Variants in SRSF11 observed in about 807,000 individuals in gnomAD.
SRSF11 encodes serine and arginine rich splicing factor 11.
SRSF11 carries 9 observed loss-of-function variants against 56.0 expected under a neutral mutation model. The observed-to-expected ratio is 0.16, with a 90% confidence interval of 0.10 to 0.28. The LOEUF is 0.28. Among genes scored for constraint, SRSF11 ranks in the 10% least tolerant of loss-of-function variants. The pLI, the probability that SRSF11 is intolerant of heterozygous loss-of-function variation, is 1.00. For synonymous variants in SRSF11, 222 were observed against 215.3 expected, an observed-to-expected ratio of 1.03 and a Z score of -0.27; for missense variants, 421 against 600.7, an observed-to-expected ratio of 0.70 and a Z score of 3.13.
chr1:70,221,478 G>A lies in SRSF11; in HGVS notation c.-159G>A. On this transcript the variant is annotated 5_prime_UTR_variant, in exon 1 of 12. Coordinates refer to ENST00000370949, the MANE Select transcript of SRSF11 (RefSeq NM_001350605.2). Reference sequence around the variant, plus strand: ...CTCCCCCGCGGCGTGCGGCGGGGCGGAGAAACGGCGGCGGCGGCGGCGGCA... The same window carrying A: ...CTCCCCCGCGGCGTGCGGCGGGGCGAAGAAACGGCGGCGGCGGCGGCGGCA... 1.8e-6 allele frequency: 2 copies of A among 1,107,816 alleles called. No individual in the cohort carries two copies. Among genetic ancestry groups the A allele is most frequent in the South Asian group, 1.6e-5 (1 of 62,082 alleles). The allele number at this position is 1,107,816 out of a possible 1,614,324, so 68.6% of individuals were successfully genotyped here. A position where few individuals can be genotyped will look rare whatever the true frequency, so the allele number is the denominator to read the frequency against.
At position 70,221,492 on chromosome 1, in the gene SRSF11, G is replaced by T. The variant is rs890978050; in HGVS notation, c.-145G>T. 4.7e-5 allele frequency: 57 copies of T among 1,206,060 alleles called. No homozygotes were observed. The highest frequency in any genetic ancestry group is 5.8e-5 in the Non-Finnish European group (51 of 874,206). 74.7% of individuals were successfully genotyped at this position (1,206,060 alleles called of 1,614,324 possible). ...GCGGCGGGGCGGAGAAACGGCGGCG[G>T]CGGCGGCGGCATCGGCAGCAGTAGC... On this transcript the variant is annotated 5_prime_UTR_variant, in exon 1 of 12. Transcript: ENST00000370949.
intron 1 of SRSF11, among the ~76,000 whole-genome samples, chr1:70,227,562 G>A (rs551246142): frequency 1.0e-3 from 158 of 152,264 alleles, no homozygotes; most frequent in African/African-American, 3.7e-3. Context: ...TAGGGCACTA[G>A]CTTTCCAAAT....
chr1:70,240,866 C>A (rs113065621), intron 7 of SRSF11, among the ~76,000 whole-genome samples: 155 of 151,786 alleles, frequency 1.0e-3, no homozygotes, highest in African/African-American at 3.7e-3. Context: ...ACTTCCGCCT[C>A]CTGAGTTCAA....
At chr1:70,208,433 A>G (rs1310832703) in intron 1 of SRSF11, among the ~76,000 whole-genome samples, 1 of 152,056 alleles carries the variant, frequency 6.6e-6, no homozygotes, top group Non-Finnish European at 1.5e-5. Flanking sequence ...CCCAGCTTCA[A>G]GTGATTTCTC....
chr1:70,218,924 T>A (rs1164241865), upstream of SRSF11: 2 of 152,188 alleles, frequency 1.3e-5, no homozygotes, highest in African/African-American at 4.8e-5. Context: ...ATAATGACAT[T>A]AAAAATAAAA....
At chr1:70,230,344 T>G in intron 2 of SRSF11, 3 of 1,057,256 alleles carry the variant, frequency 2.8e-6, no homozygotes, top group Non-Finnish European at 3.4e-6. Context: ...CCCTCCAGAT[T>G]TAGCTATTAC....
In SRSF11 at chr1:70,239,535, T is replaced by C. The variant is rs749756475; in HGVS notation, c.800+15T>C. On this transcript the variant is annotated intron_variant, in intron 7 of 11. Transcript: ENST00000370949. The stretch of plus-strand genomic sequence containing the variant: ...TCTAGACACAGGTTAGATTGCTTTT[T>C]AGTCAATTATACCTTAGACAAAGAT... The C allele has an allele frequency of 8.4e-6, 13 of 1,545,580 alleles. No homozygotes were observed. In the Admixed American group the frequency reaches 2.6e-4, roughly 30 times the overall value.
chr1:70,225,202 G>A (rs1427565712), intron 1 of SRSF11, among the ~76,000 whole-genome samples: 1 of 152,176 alleles, frequency 6.6e-6, no homozygotes, highest in South Asian at 2.1e-4. Flanking sequence ...AGTAACTTAA[G>A]GCTGCTGTAA....
At chr1:70,210,852 T>G (rs1001591966) in intron 1 of SRSF11, among the ~76,000 whole-genome samples, 5 of 151,914 alleles carry the variant, frequency 3.3e-5, no homozygotes, top group Non-Finnish European at 2.9e-5. Context: ...TACTTGAAGG[T>G]GGAAGAACTA....
At chr1:70,232,037 C>T in intron 2 of SRSF11, 1 of 1,520,450 alleles carries the variant, frequency 6.6e-7, no homozygotes, top group Non-Finnish European at 8.8e-7. Context: ...TTTTTTTACT[C>T]TAGAAACTTA....
Position 70,221,500 on chromosome 1 carries a change from G to A in SRSF11, c.-137G>A. On this transcript the variant is annotated 5_prime_UTR_variant, in exon 1 of 12. Transcript: ENST00000370949. Reference sequence around the variant, plus strand: ...GCGGAGAAACGGCGGCGGCGGCGGCGGCATCGGCAGCAGTAGCAGAGGCTG... The same window carrying A: ...GCGGAGAAACGGCGGCGGCGGCGGCAGCATCGGCAGCAGTAGCAGAGGCTG... 2.4e-6 allele frequency: 3 copies of A among 1,241,930 alleles called. No homozygotes were observed. The highest frequency in any genetic ancestry group is 3.2e-5 in the South Asian group (2 of 61,746). The allele number at this position is 1,241,930 out of a possible 1,614,324, so 76.9% of individuals were successfully genotyped here.
rs1466733878 is a variant in SRSF11, at chr1:70,253,022, T to C, written c.*2217T>C. The C allele has an allele frequency of 6.6e-6, 1 of 152,236 alleles. No individual in the cohort carries two copies. Among genetic ancestry groups the C allele is most frequent in the East Asian group, 1.9e-4 (1 of 5,202 alleles). The allele number at this position is 152,236 out of a possible 1,614,324, so 9.4% of individuals were successfully genotyped here. On this transcript the variant is annotated 3_prime_UTR_variant, in exon 12 of 12. Coordinates refer to ENST00000370949, the MANE Select transcript of SRSF11 (RefSeq NM_001350605.2). ...GTTGTGTATTTGATAGTAAATTGAT[T>C]TAAAAATAAAAGTGGTTTTTGTTAG...
At chr1:70,241,863 A>G (rs899770349) in intron 7 of SRSF11, among the ~76,000 whole-genome samples, 4 of 152,174 alleles carry the variant, frequency 2.6e-5, no homozygotes, top group East Asian at 1.9e-4. Context: ...CCTTTTACCA[A>G]ACTCTTAGGA....
At chr1:70,209,874 C>T (rs1669400756) in intron 1 of SRSF11, among the ~76,000 whole-genome samples, 1 of 143,318 alleles carries the variant, frequency 7.0e-6, no homozygotes, top group South Asian at 2.3e-4. Flanking sequence ...GTTGGAATTA[C>T]AGGCATGAGC....
chr1:70,233,824 A>C (rs924303960), intron 3 of SRSF11, among the ~76,000 whole-genome samples: 2 of 152,202 alleles, frequency 1.3e-5, no homozygotes, highest in Admixed American at 1.3e-4. Flanking sequence ...AATTGGTGTC[A>C]AGCAGGTGGC....
rs372906732 is a variant in SRSF11, at chr1:70,243,018, TAAG to T, written c.801-1664_801-1662del. ...AAATAGTTTCAAATATGGCTGAAAA[TAAG>T]AGATTAAAATTAAAGTTAATTGAGT... On this transcript the variant is annotated intron_variant, in intron 7 of 11. Transcript: ENST00000370949. 7.0e-4 allele frequency among the ~76,000 whole-genome samples: 106 copies of T among 152,130 alleles called. 1 individual carries two copies. The East Asian group carries it at 0.012, about 17-fold the overall frequency.
chr1:70,221,574 T>C lies in SRSF11; in HGVS notation c.-63T>C. 1.3e-6 allele frequency: 2 copies of C among 1,540,910 alleles called. No homozygotes were observed. Among genetic ancestry groups the C allele is most frequent in the Non-Finnish European group, 1.8e-6 (2 of 1,142,322 alleles). On this transcript the variant is annotated 5_prime_UTR_variant, in exon 1 of 12. Coordinates refer to ENST00000370949, the MANE Select transcript of SRSF11 (RefSeq NM_001350605.2). Reference sequence around the variant, plus strand: ...CCCGCAATCCGGTTCCTCTTCCCCCTCCTTCTCACTGTTTGTTGTGTGTTT... The same window carrying C: ...CCCGCAATCCGGTTCCTCTTCCCCCCCCTTCTCACTGTTTGTTGTGTGTTT...
At chr1:70,210,412 C>A (rs1669459166) in intron 1 of SRSF11, among the ~76,000 whole-genome samples, 1 of 152,170 alleles carries the variant, frequency 6.6e-6, no homozygotes, top group Non-Finnish European at 1.5e-5. Context: ...CCACCTCAGC[C>A]TTCCAAAGTG....
At chr1:70,250,317 C>G (rs758235459) in intron 10 of SRSF11, 48 bp from the exon 11 acceptor site, 1 of 1,597,250 alleles carries the variant, frequency 6.3e-7, no homozygotes, top group East Asian at 2.2e-5. Flanking sequence ...TCAGGCTCAT[C>G]ATCTAAACAA....
Sources: gnomAD v4.1 joint callset for allele counts (sites outside exome capture counted in the v4.1 genomes callset) on GRCh38, gnomAD v4.1.1 for gene constraint, MANE v1.5 for transcripts, NCBI Gene and HGNC (gene_info 2026-07-23, HGNC 2026-07-21) for gene names.